The following NFIB variants were observed in gnomAD, a reference collection of about 807,000 sequenced individuals.
NFIB encodes the protein nuclear factor 1 B-type.
In NFIB, 11 loss-of-function variants were observed where a neutral mutation model predicts 61.5. The ratio of observed to expected loss-of-function variants is 0.18; its 90% CI spans 0.11 to 0.30. The LOEUF (loss-of-function observed/expected upper bound fraction) is 0.30. Ranked by LOEUF, NFIB falls within the 10% of genes least tolerant of loss-of-function variation. The pLI, the probability that NFIB is intolerant of heterozygous loss-of-function variation, is 1.00. For missense variants in NFIB, 471 were observed against 608.9 expected, an observed-to-expected ratio of 0.77 and a Z score of 2.38; for synonymous variants, 260 against 216.5, an observed-to-expected ratio of 1.20 and a Z score of -1.76.
At chr9:14,106,417 A>G (rs906254396) in intron 10 of NFIB, among the ~76,000 whole-genome samples, 12 of 152,160 alleles carry the variant, frequency 7.9e-5, no homozygotes, top group African/African-American at 1.7e-4. Flanking sequence ...TTATCTTCCA[A>G]AAAAGCTATC....
chr9:14,234,805 G>GT (rs113148766), intron 2 of NFIB, among the ~76,000 whole-genome samples: 2,688 of 142,954 alleles, frequency 0.019, 73 homozygotes, highest in African/African-American at 0.05. Flanking sequence ...TTTTTTTTTG[G>GT]TTTTTTTTTT....
At chr9:14,522,789 A>T in the NFIB span, among the ~76,000 whole-genome samples, 2 of 152,222 alleles carry the variant, frequency 1.3e-5, no homozygotes, top group Non-Finnish European at 2.9e-5. Flanking sequence ...ATTAGCTGTC[A>T]GCATCAGCAT....
At chr9:14,156,661 T>G (rs2043447559) in intron 3 of NFIB, among the ~76,000 whole-genome samples, 2 of 152,150 alleles carry the variant, frequency 1.3e-5, no homozygotes, top group Admixed American at 6.6e-5. Context: ...AGCTGGTCTA[T>G]GTCCAAAACT....
intron 2 of NFIB, among the ~76,000 whole-genome samples, chr9:14,256,982 C>A (rs947122290): frequency 6.6e-6 from 1 of 152,124 alleles, no homozygotes; most frequent in African/African-American, 2.4e-5. Flanking sequence ...AGCCAAGATG[C>A]CTTTCTATGG....
chr9:14,119,713 A>T (rs1287690180), intron 8 of NFIB, among the ~76,000 whole-genome samples: 2 of 152,194 alleles, frequency 1.3e-5, no homozygotes, highest in Non-Finnish European at 2.9e-5. Flanking sequence ...AGATATTACA[A>T]TTATTGATAG....
At chr9:14,517,232 C>G in the NFIB span, among the ~76,000 whole-genome samples, 3 of 152,184 alleles carry the variant, frequency 2.0e-5, no homozygotes, top group African/African-American at 7.2e-5. Context: ...TTCCCCCCAC[C>G]AACCTCTCTC....
chr9:14,242,308 G>T (rs1433862080), intron 2 of NFIB, among the ~76,000 whole-genome samples: 1 of 152,176 alleles, frequency 6.6e-6, no homozygotes, highest in Non-Finnish European at 1.5e-5. Context: ...AGTTTGAAAA[G>T]TCTAAAGTTT....
At chr9:14,517,959 T>C in the NFIB span, among the ~76,000 whole-genome samples, 2 of 152,182 alleles carry the variant, frequency 1.3e-5, no homozygotes, top group Non-Finnish European at 2.9e-5. Context: ...AGTCAGGCAA[T>C]ACTGCAGCAA....
At chr9:14,332,585 C>T (rs1022543373) in intron 1 of NFIB, among the ~76,000 whole-genome samples, 3 of 152,036 alleles carry the variant, frequency 2.0e-5, no homozygotes, top group East Asian at 3.9e-4. Context: ...CAGTGAGGAC[C>T]GGAGCAGTGT....
At chr9:14,096,513 C>T (rs557022751) in intron 10 of NFIB, 1 of 152,320 alleles carries the variant, frequency 6.6e-6, no homozygotes, top group African/African-American at 2.4e-5. Flanking sequence ...TTTGGTCACA[C>T]TGCAGATCCT....
chr9:14,286,274 G>A (rs544308107), intron 2 of NFIB, among the ~76,000 whole-genome samples: 1 of 152,148 alleles, frequency 6.6e-6, no homozygotes, highest in African/African-American at 2.4e-5. Context: ...CTTTTGAATG[G>A]GAGGGTGCTA....
intron 3 of NFIB, among the ~76,000 whole-genome samples, chr9:14,164,038 GA>G (rs1007554997): frequency 1.3e-4 from 20 of 151,000 alleles, no homozygotes; most frequent in African/African-American, 4.9e-4. Context: ...TACCATAAAA[GA>G]AAGAACAGCA....
At chr9:14,196,209 A>G (rs73413825) in intron 2 of NFIB, among the ~76,000 whole-genome samples, 5,068 of 152,236 alleles carry the variant, frequency 0.033, 259 homozygotes, top group African/African-American at 0.11. Context: ...TAAAAGTCTC[A>G]AGGCCATTAC....
At chr9:14,349,082 T>C (rs2061072326) in intron 1 of NFIB, among the ~76,000 whole-genome samples, 1 of 152,252 alleles carries the variant, frequency 6.6e-6, no homozygotes, top group Non-Finnish European at 1.5e-5. Context: ...CACGAGTTGC[T>C]TGAGGGAAAT....
chr9:14,451,712 G>A, the NFIB span, among the ~76,000 whole-genome samples: 124,692 of 152,160 alleles, frequency 0.82, 51,304 homozygotes, highest in East Asian at 0.94. Context: ...GAGGGCTTTA[G>A]TCTCCCATTT....
At chr9:14,415,858 GACCTA>G in the NFIB span, among the ~76,000 whole-genome samples, 1 of 152,140 alleles carries the variant, frequency 6.6e-6, no homozygotes, top group Non-Finnish European at 1.5e-5. Context: ...GCCATCTTTG[GACCTA>G]ATGGTTTGAA....
the NFIB span, among the ~76,000 whole-genome samples, chr9:14,464,746 C>T: frequency 0.54 from 81,671 of 151,868 alleles, 22,180 homozygotes; most frequent in Admixed American, 0.62. Flanking sequence ...CTCAGTGGGA[C>T]GGTCAGCATG....
Position 14,313,605 on chromosome 9 carries a change from C to G in NFIB, c.-94G>C. The G allele has an allele frequency of 6.2e-7, 1 of 1,604,630 alleles. No individual in the cohort carries two copies. Among genetic ancestry groups the G allele is most frequent in the South Asian group, 1.1e-5 (1 of 90,166 alleles). ...ATTCATTTTACAGTCATCTGAGCCCCGCGATGCGATCAATCAGGACGGGGC... is the reference window on the plus strand; with the variant it reads ...ATTCATTTTACAGTCATCTGAGCCCGGCGATGCGATCAATCAGGACGGGGC... On this transcript the variant is annotated 5_prime_UTR_variant, in exon 1 of 11. Coordinates refer to ENST00000380953, the MANE Select transcript of NFIB (RefSeq NM_001190737.2). This position sits in a 1 kb window ranked among gnomAD's most constrained non-coding sequence, Gnocchi z 4.5.
At chr9:14,474,767 T>A in the NFIB span, among the ~76,000 whole-genome samples, 1 of 152,190 alleles carries the variant, frequency 6.6e-6, no homozygotes, top group Non-Finnish European at 1.5e-5. Flanking sequence ...AAGACAGGAC[T>A]GACAGTCAAA....
Sources: allele counts gnomAD v4.1 joint callset (sites outside exome capture counted in the v4.1 genomes callset), GRCh38; gene constraint gnomAD v4.1.1; non-coding constraint Gnocchi (gnomAD v3.1); transcripts MANE v1.5; gene names NCBI Gene and HGNC (gene_info 2026-07-23, HGNC 2026-07-21).